ZNF30: variants seen among roughly 807,000 people sequenced by gnomAD.
ZNF30 encodes the protein zinc finger protein 30, also known as zinc finger protein 30 (KOX 28).
ZNF30 carries 15 observed loss-of-function variants against 13.2 expected under a neutral mutation model. That is an observed-to-expected ratio of 1.13 (90% CI 0.76 to 1.75). The LOEUF is 1.75. Among genes scored for constraint, ZNF30 ranks in the 40% most tolerant of loss-of-function variants. The probability of loss-of-function intolerance (pLI) is 0.00; values close to 1 mark genes in which losing one functional copy is unlikely to be tolerated. For missense variants in ZNF30, 726 were observed against 757.0 expected (o/e 0.96, Z 0.48); for synonymous variants, 223 against 256.6 (o/e 0.87, Z 1.25).
chr19:34,936,121 C>A (rs1368099947), intron 4 of ZNF30, among the ~76,000 whole-genome samples: 2 of 152,188 alleles, frequency 1.3e-5, no homozygotes, highest in Non-Finnish European at 2.9e-5. Flanking sequence ...ATGGGAGCTA[C>A]AATTCAAGAT....
intron 1 of ZNF30, among the ~76,000 whole-genome samples, chr19:34,927,520 ATAAAG>A (rs958427892): frequency 7.3e-4 from 111 of 152,348 alleles, no homozygotes; most frequent in Middle Eastern, 3.4e-3. Flanking sequence ...AAAAAACTGT[ATAAAG>A]TATTTACACC....
intron 2 of ZNF30, among the ~76,000 whole-genome samples, chr19:34,930,273 G>T (rs2012378566): frequency 6.6e-6 from 1 of 152,194 alleles, no homozygotes; most frequent in South Asian, 2.1e-4. Context: ...GGTTTGATGA[G>T]TTTGATCTGT....
rs1652439608 is a variant in ZNF30 at position 34,943,123 on chromosome 19, C to G, written c.257-100C>G. 5.1e-6 allele frequency: 4 copies of G among 784,370 alleles called. No homozygotes were observed. In the South Asian group the frequency reaches 1.1e-4, roughly 21 times the overall value. The allele number at this position is 784,370 out of a possible 1,614,324, so 48.6% of individuals were successfully genotyped here. A position where few individuals can be genotyped will look rare whatever the true frequency, so the allele number is the denominator to read the frequency against. On this transcript the variant is annotated intron_variant, in intron 4 of 4. Coordinates refer to ENST00000601142, the MANE Select transcript of ZNF30 (RefSeq NM_194325.3). The stretch of plus-strand genomic sequence containing the variant: ...ATAATGGTGTTTTAATATTACTGAG[C>G]TATTTATTTCTAGTTGGTGTTATTT...
At chr19:34,926,861 C>A, upstream of ZNF30, 2 of 397,556 alleles carry the variant, frequency 5.0e-6, no homozygotes, top group Admixed American at 4.4e-5. Context: ...CATTCTCAGC[C>A]GGACGGGAGC....
In ZNF30 at chr19:34,944,961, AT is replaced by A; in HGVS notation, c.*125del. 4 of 874,838 alleles carry A rather than the reference AT, an allele frequency of 4.6e-6. No homozygotes were observed. Among genetic ancestry groups the A allele is most frequent in the Non-Finnish European group, 6.6e-6 (4 of 605,828 alleles). 54.2% of individuals were successfully genotyped at this position (874,838 alleles called of 1,614,324 possible). ...TTGGCAGGTCTATTCTCATCTTATA[AT>A]TCATAATATAACTCAGAAAACATAA... On this transcript the variant is annotated 3_prime_UTR_variant, in exon 5 of 5. Coordinates refer to ENST00000601142, the MANE Select transcript of ZNF30 (RefSeq NM_194325.3).
chr19:34,925,052 G>A (rs1427847783), upstream of ZNF30, among the ~76,000 whole-genome samples: 1 of 152,194 alleles, frequency 6.6e-6, no homozygotes, highest in Admixed American at 6.5e-5. Flanking sequence ...CGTGCGATGG[G>A]GGTGTGGCTC....
chr19:34,941,995 A>G (rs2013071190), intron 4 of ZNF30, among the ~76,000 whole-genome samples: 1 of 152,170 alleles, frequency 6.6e-6, no homozygotes, highest in Admixed American at 6.5e-5. Flanking sequence ...TTGTGACTAA[A>G]CAATAATCTG....
chr19:34,926,689 T>G, upstream of ZNF30: 2 of 344,852 alleles, frequency 5.8e-6, no homozygotes, highest in Non-Finnish European at 5.2e-6. Context: ...TTGGTATAGA[T>G]TATCATTTTT....
At chr19:34,936,424 G>T (rs184539532) in intron 4 of ZNF30, among the ~76,000 whole-genome samples, 11 of 152,280 alleles carry the variant, frequency 7.2e-5, no homozygotes, top group Admixed American at 6.5e-4. Context: ...GCAGCCGAAT[G>T]GTGGTACGGT....
At position 34,943,436 on chromosome 19, in the gene ZNF30, T is replaced by C. The variant is rs1383413538; in HGVS notation, c.470T>C (p.Phe157Ser). Residue 157 changes from phenylalanine (F) to serine (S), a missense_variant, in exon 5 of 5, where the codon TTT becomes TCT. Transcript: ENST00000601142. ...PNRCKECGKN[F>S]SNGHQLTIHQ... Reference sequence around the variant, plus strand: ...AGATGTAAAGAATGTGGGAAGAACTTTAGTAATGGACATCAACTCACCATA... The same window carrying C: ...AGATGTAAAGAATGTGGGAAGAACTCTAGTAATGGACATCAACTCACCATA... The C allele has an allele frequency of 1.2e-6, 2 of 1,613,894 alleles. No homozygotes were observed. Among genetic ancestry groups the C allele is most frequent in the South Asian group, 2.2e-5 (2 of 91,046 alleles).
At chr19:34,935,210 G>A (rs1336192879) in intron 4 of ZNF30, among the ~76,000 whole-genome samples, 1 of 150,978 alleles carries the variant, frequency 6.6e-6, no homozygotes, top group Non-Finnish European at 1.5e-5. Flanking sequence ...CAGCCTGGGC[G>A]ACAGAGCGAG....
chr19:34,928,248 T>TATAG (rs1555778316), intron 1 of ZNF30, among the ~76,000 whole-genome samples: 1 of 53,056 alleles, frequency 1.9e-5, no homozygotes, highest in Admixed American at 1.5e-4. Context: ...TATATATATA[T>TATAG]ATATATAGAT....
At position 34,944,890 on chromosome 19, in the gene ZNF30, C is replaced by G; in HGVS notation, c.*52C>G. Reference sequence around the variant, plus strand: ...CGTGTGTGGCTCAAACATTGTTGAACATCGGGGAATTTATGCTGGTAGGAA... The same window carrying G: ...CGTGTGTGGCTCAAACATTGTTGAAGATCGGGGAATTTATGCTGGTAGGAA... On this transcript the variant is annotated 3_prime_UTR_variant, in exon 5 of 5. Coordinates refer to ENST00000601142, the MANE Select transcript of ZNF30 (RefSeq NM_194325.3). 2 of 1,477,740 alleles carry G rather than the reference C, an allele frequency of 1.4e-6. No homozygotes were observed. Among genetic ancestry groups the G allele is most frequent in the Non-Finnish European group, 1.8e-6 (2 of 1,108,652 alleles). 91.5% of individuals were successfully genotyped at this position (1,477,740 alleles called of 1,614,324 possible).
chr19:34,930,409 G>A (rs2012384755), intron 2 of ZNF30, among the ~76,000 whole-genome samples: 1 of 152,160 alleles, frequency 6.6e-6, no homozygotes, highest in African/African-American at 2.4e-5. Context: ...AGATTGAGTG[G>A]GGATGTGATT....
rs748308466 is a variant in ZNF30 at position 34,944,037 on chromosome 19, C to T, written c.1071C>T (p.Ser357=). The change falls in exon 5 of 5, where the codon TCC becomes TCT. Residue 357 remains serine (S), a synonymous_variant. Coordinates refer to ENST00000601142, the MANE Select transcript of ZNF30 (RefSeq NM_194325.3). ...GTGGAAAGGCCTTTAGACTTAGTTCCTTCCTTCATGCACATCAGCGAATTC... is the reference window on the plus strand; with the variant it reads ...GTGGAAAGGCCTTTAGACTTAGTTCTTTCCTTCATGCACATCAGCGAATTC... ...KECGKAFRLS[S]FLHAHQRIHA... 6.2e-7 allele frequency: 1 copy of T among 1,613,484 alleles called. No individual in the cohort carries two copies. The highest frequency in any genetic ancestry group is 2.2e-5 in the East Asian group (1 of 44,844).
intron 1 of ZNF30, among the ~76,000 whole-genome samples, chr19:34,928,238 TATATATATATATATATAGATAG>T (rs1433640522): frequency 3.1e-5 from 2 of 63,638 alleles, no homozygotes; most frequent in South Asian, 1.0e-3. Context: ...TATATATATA[TATATATATATATATATAGATAG>T]ATAGATAGAT....
chr19:34,933,420 G>T (rs1014566902), intron 3 of ZNF30, among the ~76,000 whole-genome samples: 7 of 152,106 alleles, frequency 4.6e-5, no homozygotes, highest in Non-Finnish European at 1.0e-4. Context: ...ACACTGCACT[G>T]CAGCCTGGCG....
chr19:34,928,223 ATATATATAT>A lies in ZNF30; in HGVS notation c.-65+1008_-65+1016del, dbSNP rs1568533925. Among the ~76,000 whole-genome samples, 259 of 51,326 alleles carry A rather than the reference ATATATATAT, an allele frequency of 5.0e-3. 12 individuals carry two copies. The East Asian group carries it at 0.088, about 17-fold the overall frequency. 33.7% of individuals were successfully genotyped at this position (51,326 alleles called of 152,430 possible). A position where few individuals can be genotyped will look rare whatever the true frequency, so the allele number is the denominator to read the frequency against. On this transcript the variant is annotated intron_variant, in intron 1 of 4. Coordinates refer to ENST00000601142, the MANE Select transcript of ZNF30 (RefSeq NM_194325.3). ...ATCCCTTCTCTAAAAAAAAAAAAAT[ATATATATAT>A]ATATATATATATATATATATATAGA... is the stretch of plus-strand genomic sequence containing the variant.
Position 34,927,072 on chromosome 19 carries a change from G to A in ZNF30, c.-209G>A. The A allele has an allele frequency of 7.5e-6, 3 of 398,472 alleles. No homozygotes were observed. The highest frequency in any genetic ancestry group is 3.6e-5 in the East Asian group (1 of 28,078). The allele number at this position is 398,472 out of a possible 1,614,324, so 24.7% of individuals were successfully genotyped here. On this transcript the variant is annotated 5_prime_UTR_variant, in exon 1 of 5. Coordinates refer to ENST00000601142, the MANE Select transcript of ZNF30 (RefSeq NM_194325.3). Reference sequence around the variant, plus strand: ...TCATTGTGGTCGTTGACCCGGCAGCGAGCTTTGGAGTTCATCGAGGGAGAA... The same window carrying A: ...TCATTGTGGTCGTTGACCCGGCAGCAAGCTTTGGAGTTCATCGAGGGAGAA...
Sources: gnomAD v4.1 joint callset for allele counts (sites outside exome capture counted in the v4.1 genomes callset) on GRCh38, gnomAD v4.1.1 for gene constraint, MANE v1.5 for transcripts, NCBI Gene and HGNC (gene_info 2026-07-23, HGNC 2026-07-21) for gene names.